JMJD1C: variants seen among roughly 807,000 people sequenced by gnomAD.
The protein encoded by JMJD1C is jumonji domain containing 1C.
A neutral mutation model predicts 245.3 loss-of-function variants in JMJD1C; 31 were observed. The ratio of observed to expected loss-of-function variants is 0.13; its 90% confidence interval spans 0.09 to 0.17. The LOEUF (loss-of-function observed/expected upper bound fraction) is 0.17, where lower values mean the gene tolerates loss of function less well. Among genes scored for constraint, JMJD1C ranks in the 10% least tolerant of loss-of-function variants. JMJD1C has a pLI of 1.00. For missense variants in JMJD1C, 2,691 were observed against 3,000.2 expected (o/e 0.90, Z 2.41); for synonymous variants, 1,057 against 1,017.4 (o/e 1.04, Z -0.74).
chr10:63,381,956 A>G (rs1947252513), intron 1 of JMJD1C, among the ~76,000 whole-genome samples: 1 of 152,198 alleles, frequency 6.6e-6, no homozygotes, highest in Non-Finnish European at 1.5e-5. Context: ...TCATGCCTGT[A>G]ATTCCAGCAC....
chr10:63,421,404 T>C (rs575229697), intron 1 of JMJD1C, among the ~76,000 whole-genome samples: 5 of 152,296 alleles, frequency 3.3e-5, no homozygotes, highest in African/African-American at 1.2e-4. Flanking sequence ...GCCATAAAGT[T>C]GGCAATTATC....
rs1294824761 is a variant in JMJD1C at position 63,423,386 on chromosome 10, A to G, written c.168+42109T>C. ...CTGTCTCTATGAATTTGCCTATTCT[A>G]GATTTAAGTGGAATAATATATCTGT... On this transcript the variant is annotated intron_variant, in intron 1 of 25. Coordinates refer to ENST00000399262, the MANE Select transcript of JMJD1C (RefSeq NM_032776.3). Among the ~76,000 whole-genome samples, 4 of 152,150 alleles carry G rather than the reference A, an allele frequency of 2.6e-5. No individual in the cohort carries two copies. The South Asian group carries it at 6.2e-4, about 24-fold the overall frequency.
intron 3 of JMJD1C, among the ~76,000 whole-genome samples, chr10:63,248,080 T>C (rs895472357): frequency 2.7e-4 from 41 of 151,812 alleles, no homozygotes; most frequent in Admixed American, 8.5e-4. Context: ...ATACAGAAAT[T>C]AGCTGGGTGT....
At chr10:63,384,301 C>T (rs774066142) in intron 1 of JMJD1C, among the ~76,000 whole-genome samples, 5 of 152,178 alleles carry the variant, frequency 3.3e-5, no homozygotes, top group Non-Finnish European at 5.9e-5. Context: ...TTAATGGCAT[C>T]TAGAATACTG....
Position 63,208,073 on chromosome 10 carries a change from C to G in JMJD1C, c.3596G>C (p.Ser1199Thr). 1 of 1,614,094 alleles carries G rather than the reference C, an allele frequency of 6.2e-7. No individual in the cohort carries two copies. Among genetic ancestry groups the G allele is most frequent in the Non-Finnish European group, 8.5e-7 (1 of 1,179,974 alleles). The change falls in exon 10 of 26, where the codon AGT becomes ACT. Residue 1199 changes from serine (S) to threonine (T), a missense_variant. Ser to Thr is a moderately conservative substitution (Grantham distance 58). Coordinates refer to ENST00000399262, the MANE Select transcript of JMJD1C (RefSeq NM_032776.3). ...LTVSSTNTLR[S>T]MPALHRAPVF... Reference sequence around the variant, plus strand: ...TGGTGCTCTATGTAATGCAGGCATACTGCGGAGTGTATTTGTAGAAGAAAC... The same window carrying G: ...TGGTGCTCTATGTAATGCAGGCATAGTGCGGAGTGTATTTGTAGAAGAAAC...
rs533670072 is a variant in JMJD1C at position 63,250,790 on chromosome 10, G to C, written c.447+13861C>G. Among the ~76,000 whole-genome samples, 10 of 152,234 alleles carry C rather than the reference G, an allele frequency of 6.6e-5. No individual in the cohort carries two copies. In the East Asian group the frequency reaches 1.7e-3, roughly 26 times the overall value. On this transcript the variant is annotated intron_variant, in intron 3 of 25. Coordinates refer to ENST00000399262, the MANE Select transcript of JMJD1C (RefSeq NM_032776.3). Reference sequence around the variant, plus strand: ...GTATCTCACTCCGTTACCCTGGCTTGAGTGCAGTGGCACAATCATAGCTCA... The same window carrying C: ...GTATCTCACTCCGTTACCCTGGCTTCAGTGCAGTGGCACAATCATAGCTCA...
intron 1 of JMJD1C, among the ~76,000 whole-genome samples, chr10:63,411,180 T>C (rs552747794): frequency 7.9e-5 from 12 of 151,926 alleles, no homozygotes; most frequent in East Asian, 1.9e-4. Context: ...TCTTTGGTGA[T>C]AGAACTGAGA....
intron 1 of JMJD1C, among the ~76,000 whole-genome samples, chr10:63,424,802 T>A (rs964650682): frequency 6.6e-6 from 1 of 152,228 alleles, no homozygotes; most frequent in African/African-American, 2.4e-5. Flanking sequence ...ACACCAGATT[T>A]TCTTTACTCA....
intron 1 of JMJD1C, among the ~76,000 whole-genome samples, chr10:63,454,289 TC>T (rs1376973342): frequency 1.3e-5 from 2 of 151,146 alleles, no homozygotes; most frequent in Non-Finnish European, 2.9e-5. Flanking sequence ...AGACTGAGTC[TC>T]CCTCTGTCAC....
At chr10:63,360,603 T>C (rs1945243693) in intron 2 of JMJD1C, among the ~76,000 whole-genome samples, 1 of 152,190 alleles carries the variant, frequency 6.6e-6, no homozygotes, top group African/African-American at 2.4e-5. Flanking sequence ...ACAAACATTT[T>C]TGTTCATACC....
At chr10:63,313,113 CG>C (rs2134060026) in intron 2 of JMJD1C, among the ~76,000 whole-genome samples, 1 of 152,226 alleles carries the variant, frequency 6.6e-6, no homozygotes, top group African/African-American at 2.4e-5. Context: ...CCATTTCCCC[CG>C]CAAGGCCCCA....
At chr10:63,499,607 TAG>T (rs1408676690) in intron 1 of JMJD1C, among the ~76,000 whole-genome samples, 1 of 152,070 alleles carries the variant, frequency 6.6e-6, no homozygotes, top group African/African-American at 2.4e-5. Context: ...AACAACAGTT[TAG>T]AGAATACTGA....
chr10:63,288,782 G>C (rs1858281694), intron 2 of JMJD1C, among the ~76,000 whole-genome samples: 1 of 151,840 alleles, frequency 6.6e-6, no homozygotes, highest in Non-Finnish European at 1.5e-5. Context: ...GGGAGGCTGA[G>C]GCATAAGAAT....
At chr10:63,369,893 T>C (rs192261857) in intron 2 of JMJD1C, among the ~76,000 whole-genome samples, 2 of 152,280 alleles carry the variant, frequency 1.3e-5, no homozygotes, top group East Asian at 3.9e-4. Context: ...AGTTTAACAA[T>C]GTGATTTACA....
chr10:63,499,150 G>T (rs991637145), intron 1 of JMJD1C, among the ~76,000 whole-genome samples: 2 of 152,042 alleles, frequency 1.3e-5, no homozygotes, highest in Non-Finnish European at 2.9e-5. Context: ...CCACATCTTG[G>T]TTATTCTGAA....
intron 2 of JMJD1C, among the ~76,000 whole-genome samples, chr10:63,305,228 T>G (rs544976610): frequency 6.6e-6 from 1 of 151,088 alleles, no homozygotes; most frequent in Non-Finnish European, 1.5e-5. Flanking sequence ...ATTAGCTGGG[T>G]GTGGTGGCAC....
At chr10:63,360,757 T>C (rs537247062) in intron 2 of JMJD1C, among the ~76,000 whole-genome samples, 2 of 152,290 alleles carry the variant, frequency 1.3e-5, no homozygotes, top group South Asian at 2.1e-4. Flanking sequence ...ATGTTTCAAA[T>C]ATATTTAAAC....
intron 1 of JMJD1C, among the ~76,000 whole-genome samples, chr10:63,393,277 A>G (rs79177554): frequency 0.013 from 2,021 of 152,234 alleles, 31 homozygotes; most frequent in African/African-American, 0.034. Flanking sequence ...CAAAAGTGAA[A>G]AAGAAAATAA....
At chr10:63,201,951 A>T (rs1298570307) in intron 10 of JMJD1C, among the ~76,000 whole-genome samples, 1 of 148,528 alleles carries the variant, frequency 6.7e-6, no homozygotes, top group Non-Finnish European at 1.5e-5. Flanking sequence ...AAGAGGAAAG[A>T]AAAAAAAAAG....
Sources: allele counts gnomAD v4.1 joint callset (sites outside exome capture counted in the v4.1 genomes callset), GRCh38; gene constraint gnomAD v4.1.1; transcripts MANE v1.5; gene names NCBI Gene and HGNC (gene_info 2026-07-23, HGNC 2026-07-21).